GYPC: variants seen among roughly 807,000 people sequenced by gnomAD.
GYPC encodes the protein glycophorin C (Gerbich blood group).
GYPC carries 14 observed loss-of-function variants against 12.6 expected under a neutral mutation model. That is an observed-to-expected ratio of 1.11 (90% CI 0.74 to 1.74). The LOEUF is 1.74. GYPC is among the 40% of genes most tolerant of loss of function. The probability of loss-of-function intolerance (pLI) is 0.00; values close to 1 mark genes in which losing one functional copy is unlikely to be tolerated. For missense variants in GYPC, 225 were observed against 172.1 expected (o/e 1.31, Z -1.72); for synonymous variants, 78 against 62.1 (o/e 1.26, Z -1.20).
intron 2 of GYPC, among the ~76,000 whole-genome samples, chr2:126,692,651 C>A (rs761772021): frequency 1.3e-4 from 20 of 152,132 alleles, no homozygotes; most frequent in Non-Finnish European, 2.6e-4. Flanking sequence ...TAGGAAACAT[C>A]CCGGTCCCCA....
Position 126,696,088 on chromosome 2 carries a change from A to C in GYPC, c.333A>C (p.Gly111=), listed in dbSNP as rs1050967. Residue 111 remains glycine, a synonymous_variant, in exon 4 of 4, where the codon GGA becomes GGC. Coordinates refer to ENST00000259254, the MANE Select transcript of GYPC (RefSeq NM_002101.5). ...AGAGTGCAGATGCAGCCCTGCAGGG[A>C]GACCCTGCCCTCCAAGATGCTGGTG... ...FAESADAALQ[G]DPALQDAGDS... is the part of the protein sequence containing the mutation. 0.56 allele frequency: 901,571 copies of C among 1,613,206 alleles called. 254,488 individuals carry two copies. Among genetic ancestry groups the C allele is most frequent in the African/African-American group, 0.7 (52,636 of 74,974 alleles).
intron 1 of GYPC, among the ~76,000 whole-genome samples, chr2:126,689,266 C>A (rs55913529): frequency 1.1e-3 from 166 of 151,922 alleles, no homozygotes; most frequent in African/African-American, 3.8e-3. Flanking sequence ...TGGCCAAGTC[C>A]TGACCTGATA....
intron 1 of GYPC, among the ~76,000 whole-genome samples, chr2:126,663,194 C>A (rs938906920): frequency 3.3e-5 from 5 of 152,152 alleles, no homozygotes; most frequent in Non-Finnish European, 7.4e-5. Context: ...TGTGCCACCA[C>A]GCCCAGCTAA....
chr2:126,685,096 C>T (rs76708740), intron 1 of GYPC, among the ~76,000 whole-genome samples: 3,320 of 152,268 alleles, frequency 0.022, 41 homozygotes, highest in Non-Finnish European at 0.035. Context: ...GCGTCTTTTC[C>T]GGAAGCAATG....
chr2:126,685,397 T>TA (rs1683257258), intron 1 of GYPC, among the ~76,000 whole-genome samples: 1 of 151,938 alleles, frequency 6.6e-6, no homozygotes, highest in Non-Finnish European at 1.5e-5. Flanking sequence ...TTTCTTTTTT[T>TA]TTTTTGAGAG....
Position 126,670,155 on chromosome 2 carries a change from C to T in GYPC, c.49+13843C>T, listed in dbSNP as rs528310408. ...TCTCTGCTCCAGTTCATGATGTCTC[C>T]TTCTGAGACCGCAGCTCCCACTCAG... On this transcript the variant is annotated intron_variant, in intron 1 of 3. Transcript: ENST00000259254. Among the ~76,000 whole-genome samples, 297 of 150,740 alleles carry T rather than the reference C, an allele frequency of 2.0e-3. 1 individual carries two copies. Among genetic ancestry groups the T allele is most frequent in the African/African-American group, 6.9e-3 (277 of 40,022 alleles).
chr2:126,690,839 C>T (rs74499727), intron 2 of GYPC, among the ~76,000 whole-genome samples: 45,070 of 150,246 alleles, frequency 0.3, 6,359 homozygotes, highest in Middle Eastern at 0.37. Flanking sequence ...TGACTGCAAA[C>T]TGTGTTTGAA....
At chr2:126,664,062 G>A (rs974702538) in intron 1 of GYPC, among the ~76,000 whole-genome samples, 1 of 151,736 alleles carries the variant, frequency 6.6e-6, no homozygotes, top group Non-Finnish European at 1.5e-5. Context: ...TGGGAGGGGA[G>A]CCAGGCCTTG....
rs898303961 is a variant in GYPC, at chr2:126,659,949, C to T, written c.49+3637C>T. ...GGACTACCGGCATACGCCACCACAC[C>T]CAGCTAATTTTTGTATTTTTTGTAG... On this transcript the variant is annotated intron_variant, in intron 1 of 3. Coordinates refer to ENST00000259254, the MANE Select transcript of GYPC (RefSeq NM_002101.5). 2.6e-5 allele frequency among the ~76,000 whole-genome samples: 4 copies of T among 152,072 alleles called. No individual in the cohort carries two copies. The South Asian group carries it at 8.3e-4, about 32-fold the overall frequency.
At chr2:126,674,680 A>G (rs1682946877) in intron 1 of GYPC, among the ~76,000 whole-genome samples, 1 of 152,166 alleles carries the variant, frequency 6.6e-6, no homozygotes, top group South Asian at 2.1e-4. Context: ...CATTTAAGGT[A>G]TGATGTGGTG....
chr2:126,676,536 G>A (rs1318836555), intron 1 of GYPC, among the ~76,000 whole-genome samples: 1 of 152,222 alleles, frequency 6.6e-6, no homozygotes, highest in African/African-American at 2.4e-5. Context: ...ATCTAATTTA[G>A]ATGGCAGTTG....
At chr2:126,670,828 G>A (rs549067525) in intron 1 of GYPC, among the ~76,000 whole-genome samples, 51 of 152,300 alleles carry the variant, frequency 3.3e-4, no homozygotes, top group African/African-American at 1.1e-3. Flanking sequence ...CACACTTGAA[G>A]CTTTCTTGGG....
chr2:126,669,022 A>G (rs1682761890), intron 1 of GYPC, among the ~76,000 whole-genome samples: 2 of 152,246 alleles, frequency 1.3e-5, no homozygotes. Flanking sequence ...TTCAAGGAGT[A>G]TAATTCCCCC....
intron 1 of GYPC, chr2:126,679,530 A>T (rs1387697400): frequency 6.6e-6 from 1 of 152,214 alleles, no homozygotes; most frequent in Admixed American, 6.5e-5. Context: ...TCACTCATTC[A>T]TTCAGATGCT....
At chr2:126,682,981 GA>G (rs1407138031) in intron 1 of GYPC, among the ~76,000 whole-genome samples, 2 of 152,200 alleles carry the variant, frequency 1.3e-5, no homozygotes, top group Non-Finnish European at 2.9e-5. Context: ...CAGGCTGGGG[GA>G]ATTGTGGTTC....
intron 1 of GYPC, among the ~76,000 whole-genome samples, chr2:126,687,239 T>G (rs1351594433): frequency 6.6e-6 from 1 of 152,212 alleles, no homozygotes; most frequent in African/African-American, 2.4e-5. Flanking sequence ...CAAACTCCTA[T>G]TTGCCCTTAA....
chr2:126,671,603 C>G (rs947068656), intron 1 of GYPC, among the ~76,000 whole-genome samples: 1 of 152,220 alleles, frequency 6.6e-6, no homozygotes, highest in African/African-American at 2.4e-5. Flanking sequence ...AGAGCTCAAC[C>G]GTGGTCTCCT....
At chr2:126,682,274 T>C (rs1683169733) in intron 1 of GYPC, among the ~76,000 whole-genome samples, 1 of 151,918 alleles carries the variant, frequency 6.6e-6, no homozygotes, top group Admixed American at 6.6e-5. Context: ...AGCAGTGGTC[T>C]GGTAGGTGGA....
intron 1 of GYPC, among the ~76,000 whole-genome samples, chr2:126,684,053 G>A (rs564924178): frequency 4.7e-4 from 72 of 152,254 alleles, no homozygotes; most frequent in Middle Eastern, 3.4e-3. Context: ...ACCGGATAAG[G>A]GTTAGGAGGA....
Sources: gnomAD v4.1 joint callset for allele counts (sites outside exome capture counted in the v4.1 genomes callset) on GRCh38, gnomAD v4.1.1 for gene constraint, MANE v1.5 for transcripts, NCBI Gene and HGNC (gene_info 2026-07-23, HGNC 2026-07-21) for gene names.